Variants in KIRREL1 observed in about 807,000 individuals in gnomAD.
KIRREL1 encodes the protein kin of IRRE-like protein 1.
A neutral mutation model predicts 83.3 loss-of-function variants in KIRREL1; 25 were observed. The observed-to-expected ratio is 0.30, with a 90% CI of 0.22 to 0.42. KIRREL1 has a LOEUF of 0.42. KIRREL1 is among the 10% of genes least tolerant of loss of function. KIRREL1 has a pLI of 1.00. For synonymous variants in KIRREL1, 388 were observed against 410.4 expected, an observed-to-expected ratio of 0.95 and a Z score of 0.66; for missense variants, 812 against 1,032.3, an observed-to-expected ratio of 0.79 and a Z score of 2.92.
intron 1 of KIRREL1, among the ~76,000 whole-genome samples, chr1:158,037,489 CAAAAA>C (rs759200504): frequency 4.5e-5 from 2 of 44,034 alleles, no homozygotes; most frequent in Non-Finnish European, 4.7e-5. Context: ...AAGACTCTGG[CAAAAA>C]AAAAAAAAAA....
At chr1:158,065,420 G>A (rs1661331149) in intron 1 of KIRREL1, among the ~76,000 whole-genome samples, 1 of 152,206 alleles carries the variant, frequency 6.6e-6, no homozygotes. Context: ...GAGGTGTCGT[G>A]CCCAGAGGGG....
At chr1:158,042,609 A>T (rs945899296) in intron 1 of KIRREL1, among the ~76,000 whole-genome samples, 1 of 152,124 alleles carries the variant, frequency 6.6e-6, no homozygotes, top group African/African-American at 2.4e-5. Context: ...GCACTGGTCT[A>T]TGTACTTTAC....
chr1:158,092,906 C>T (rs1012525370), intron 11 of KIRREL1, among the ~76,000 whole-genome samples: 5 of 152,300 alleles, frequency 3.3e-5, no homozygotes, highest in Admixed American at 2.6e-4. Context: ...ATTCGGCAGT[C>T]ACAGTGGTAT....
In KIRREL1 at chr1:158,099,660, CT is replaced by C. The variant is rs1283772273; in HGVS notation, c.*4541del. On this transcript the variant is annotated 3_prime_UTR_variant, in exon 15 of 15. Transcript: ENST00000359209. The stretch of plus-strand genomic sequence containing the variant: ...TTAATAATAACAATAATAATAATAA[CT>C]CCATTTGCATAGAACTGTCACTCAT... The C allele has an allele frequency of 6.6e-6, 1 of 152,132 alleles. No homozygotes were observed. Among genetic ancestry groups the C allele is most frequent in the Non-Finnish European group, 1.5e-5 (1 of 68,028 alleles). The allele number at this position is 152,132 out of a possible 1,614,324, so 9.4% of individuals were successfully genotyped here.
intron 1 of KIRREL1, among the ~76,000 whole-genome samples, chr1:158,044,729 C>T (rs868402666): frequency 2.6e-5 from 4 of 152,100 alleles, no homozygotes; most frequent in African/African-American, 4.8e-5. Context: ...GAACTCCTGG[C>T]CTCAAGTGAT....
chr1:158,005,817 C>T (rs765843829), intron 1 of KIRREL1, among the ~76,000 whole-genome samples: 4 of 152,088 alleles, frequency 2.6e-5, no homozygotes, highest in South Asian at 2.1e-4. Flanking sequence ...ACATGATGAG[C>T]GAACTCACTC....
chr1:158,099,351 C>T lies in KIRREL1; in HGVS notation c.*4231C>T, dbSNP rs1397102077. 2 of 152,220 alleles carry T rather than the reference C, an allele frequency of 1.3e-5. No homozygotes were observed. Among genetic ancestry groups the T allele is most frequent in the Non-Finnish European group, 2.9e-5 (2 of 68,062 alleles). The allele number at this position is 152,220 out of a possible 1,614,324, so 9.4% of individuals were successfully genotyped here. A position where few individuals can be genotyped will look rare whatever the true frequency, so the allele number is the denominator to read the frequency against. ...ATATCCCATTCCCTTCTCTTGGCCT[C>T]CTCCTATCCCCCTATGGTATTTCTC... On this transcript the variant is annotated 3_prime_UTR_variant, in exon 15 of 15. Transcript: ENST00000359209.
At chr1:158,002,865 T>G (rs907794714) in intron 1 of KIRREL1, among the ~76,000 whole-genome samples, 1 of 152,062 alleles carries the variant, frequency 6.6e-6, no homozygotes, top group African/African-American at 2.4e-5. Flanking sequence ...CTGCTCCGGA[T>G]GGAAGGAGCC....
intron 1 of KIRREL1, among the ~76,000 whole-genome samples, chr1:158,012,797 G>A (rs1055126057): frequency 6.6e-6 from 1 of 152,260 alleles, no homozygotes; most frequent in Non-Finnish European, 1.5e-5. Context: ...CAACAAATGT[G>A]AGATAAATGA....
intron 1 of KIRREL1, among the ~76,000 whole-genome samples, chr1:158,014,958 G>A (rs1385427777): frequency 6.6e-6 from 1 of 152,100 alleles, no homozygotes; most frequent in East Asian, 1.9e-4. Context: ...CTCTTTGAAT[G>A]CTTCTTAGGA....
chr1:158,070,951 C>A (rs1441927800), intron 1 of KIRREL1, among the ~76,000 whole-genome samples: 1 of 152,138 alleles, frequency 6.6e-6, no homozygotes, highest in Non-Finnish European at 1.5e-5. Context: ...CAAACCCTGG[C>A]TGGGCCTTCT....
intron 1 of KIRREL1, among the ~76,000 whole-genome samples, chr1:158,072,227 C>T (rs1033751380): frequency 3.9e-5 from 6 of 152,120 alleles, no homozygotes; most frequent in African/African-American, 1.4e-4. Flanking sequence ...GTCTCTACCT[C>T]GGTGGAAGTC....
chr1:158,082,564 G>A (rs547078945), intron 3 of KIRREL1, among the ~76,000 whole-genome samples: 229 of 152,294 alleles, frequency 1.5e-3, no homozygotes, highest in South Asian at 2.1e-3. Flanking sequence ...ACTGGGCACC[G>A]TGGGTCTCCC....
intron 13 of KIRREL1, 116 bp downstream of exon 13, chr1:158,093,878 T>G (rs1333751238): frequency 4.6e-6 from 5 of 1,095,164 alleles, no homozygotes; most frequent in Non-Finnish European, 6.6e-6. Flanking sequence ...TCTTCCCTGG[T>G]CCTGCCACAC....
chr1:158,009,108 C>T (rs1206555394), intron 1 of KIRREL1, among the ~76,000 whole-genome samples: 1 of 152,166 alleles, frequency 6.6e-6, no homozygotes, highest in Non-Finnish European at 1.5e-5. Flanking sequence ...CACAGTTGGA[C>T]CAGGGGACCC....
intron 1 of KIRREL1, among the ~76,000 whole-genome samples, chr1:158,058,302 C>G (rs947746853): frequency 5.9e-5 from 9 of 152,202 alleles, no homozygotes; most frequent in African/African-American, 2.2e-4. Flanking sequence ...GACAATTCCT[C>G]ACCAAGTTTT....
intron 1 of KIRREL1, among the ~76,000 whole-genome samples, chr1:158,013,280 G>A (rs926792083): frequency 6.6e-6 from 1 of 152,186 alleles, no homozygotes; most frequent in African/African-American, 2.4e-5. Context: ...TGTCTGTCCT[G>A]GGTTAGGGCT....
intron 10 of KIRREL1, among the ~76,000 whole-genome samples, chr1:158,090,288 A>G (rs1190302344): frequency 6.7e-6 from 1 of 149,620 alleles, no homozygotes; most frequent in Non-Finnish European, 1.5e-5. Flanking sequence ...CTCCCTTCCC[A>G]TCAGTTCTCC....
Position 158,094,870 on chromosome 1 carries a change from G to T in KIRREL1, c.2024G>T (p.Gly675Val). The T allele has an allele frequency of 6.2e-7, 1 of 1,613,996 alleles. No individual in the cohort carries two copies. The highest frequency in any genetic ancestry group is 1.1e-5 in the South Asian group (1 of 91,058). ...CCCCCTGGCCCTGCTGCCCCAGCTG[G>T]CACTGACACAACCAGCCAGCTGTCC... ...PTPPGPAAPA[G>V]TDTTSQLSYE... The change falls in exon 15 of 15, where the codon GGC becomes GTC. Residue 675 changes from glycine (G) to valine (V), a missense_variant. Around this residue, in one of 3 missense-constraint regions of KIRREL1, gnomAD observed 334 missense variants for 383.7 expected, o/e 0.87. Coordinates refer to ENST00000359209, the MANE Select transcript of KIRREL1 (RefSeq NM_018240.7). The surrounding 1 kb of genome is among the most constrained non-coding windows in gnomAD (Gnocchi z 4.6).
Sources: allele counts gnomAD v4.1 joint callset (sites outside exome capture counted in the v4.1 genomes callset), GRCh38; gene constraint gnomAD v4.1.1; regional missense constraint gnomAD v4.1.1; non-coding constraint Gnocchi (gnomAD v3.1); transcripts MANE v1.5; gene names NCBI Gene and HGNC (gene_info 2026-07-23, HGNC 2026-07-21).